Variants in FAF1 observed in about 807,000 individuals in gnomAD.
The protein encoded by FAF1 is Fas associated factor 1, also known as FAS-associated factor 1.
Under a neutral mutation model 92.5 loss-of-function variants are expected in FAF1, and 25 were observed. The ratio of observed to expected loss-of-function variants is 0.27; its 90% CI spans 0.20 to 0.38. The LOEUF (loss-of-function observed/expected upper bound fraction) is 0.38, where lower values mean the gene tolerates loss of function less well. Ranked by LOEUF, FAF1 falls within the 10% of genes least tolerant of loss-of-function variation. The pLI, the probability that FAF1 is intolerant of heterozygous loss-of-function variation, is 1.00. For missense variants in FAF1, 636 were observed against 793.3 expected (o/e 0.80, Z 2.38); for synonymous variants, 234 against 273.2 (o/e 0.86, Z 1.42).
At chr1:50,707,820 A>C (rs912027343) in intron 6 of FAF1, among the ~76,000 whole-genome samples, 1 of 152,214 alleles carries the variant, frequency 6.6e-6, no homozygotes. Context: ...AGAAGGCAAG[A>C]GTCATTCATC....
At chr1:50,824,647 T>G (rs1644078366) in intron 2 of FAF1, among the ~76,000 whole-genome samples, 1 of 152,154 alleles carries the variant, frequency 6.6e-6, no homozygotes, top group Non-Finnish European at 1.5e-5. Context: ...GTTGCACTCC[T>G]ATGTTTATTG....
chr1:50,592,374 C>A (rs1252972466), intron 9 of FAF1, among the ~76,000 whole-genome samples: 1 of 152,024 alleles, frequency 6.6e-6, no homozygotes. Flanking sequence ...CCCACACTGT[C>A]TCACCCAAGC....
At chr1:50,471,692 G>C (rs1477867395) in intron 18 of FAF1, among the ~76,000 whole-genome samples, 1 of 152,102 alleles carries the variant, frequency 6.6e-6, no homozygotes, top group African/African-American at 2.4e-5. Flanking sequence ...TTATATCAGT[G>C]GCAATACATA....
At chr1:50,705,726 C>T in intron 7 of FAF1, 60 bp downstream of exon 7, 1 of 918,416 alleles carries the variant, frequency 1.1e-6, no homozygotes, top group East Asian at 2.4e-5. Context: ...CCCTCTTTAA[C>T]AGGGTCAACA....
chr1:50,853,262 T>C (rs970213147), intron 2 of FAF1, among the ~76,000 whole-genome samples: 1 of 152,180 alleles, frequency 6.6e-6, no homozygotes, highest in African/African-American at 2.4e-5. Flanking sequence ...CCTTCAAAAG[T>C]GAAAATTGGA....
chr1:50,910,591 G>T (rs909378149), intron 1 of FAF1, among the ~76,000 whole-genome samples: 1 of 152,064 alleles, frequency 6.6e-6, no homozygotes, highest in African/African-American at 2.4e-5. Flanking sequence ...AATGGCGGAC[G>T]CCCCTCCCCC....
rs72220248 is a variant in FAF1 at position 50,530,238 on chromosome 1, G to GGTGTGTGTGTGT, written c.1494+5119_1494+5130dup. 1.6e-3 allele frequency among the ~76,000 whole-genome samples: 221 copies of GGTGTGTGTGTGT among 141,668 alleles called. 1 individual carries two copies. The highest frequency in any genetic ancestry group is 3.8e-3 in the African/African-American group (147 of 38,688). 92.9% of individuals were successfully genotyped at this position (141,668 alleles called of 152,430 possible). Reference sequence around the variant, plus strand: ...AGTAGTTTTGCTAGCTTTAAGAAGTGGTGTGTGTGTGTGTGTGTGTGTGTG... The same window carrying GGTGTGTGTGTGT: ...AGTAGTTTTGCTAGCTTTAAGAAGTGGTGTGTGTGTGTGTGTGTGTGTGTGTGTGTGTGTGTG... On this transcript the variant is annotated intron_variant, in intron 15 of 18. Transcript: ENST00000396153.
At chr1:50,594,065 C>A (rs936433631) in intron 9 of FAF1, among the ~76,000 whole-genome samples, 3 of 152,118 alleles carry the variant, frequency 2.0e-5, no homozygotes, top group Non-Finnish European at 4.4e-5. Flanking sequence ...GTAATCCCAG[C>A]ACTTTGGAGG....
At chr1:50,887,362 CA>C (rs1644675925) in intron 1 of FAF1, among the ~76,000 whole-genome samples, 1 of 152,156 alleles carries the variant, frequency 6.6e-6, no homozygotes, top group South Asian at 2.1e-4. Flanking sequence ...TTTTGCTGTG[CA>C]GAAGCTCTTT....
chr1:50,556,878 TAAATA>T (rs967531417), intron 13 of FAF1, among the ~76,000 whole-genome samples: 17 of 150,192 alleles, frequency 1.1e-4, no homozygotes, highest in African/African-American at 4.2e-4. Flanking sequence ...TAAAATAAAA[TAAATA>T]AAATAAAATA....
At chr1:50,590,566 C>T (rs539601621) in intron 9 of FAF1, among the ~76,000 whole-genome samples, 1 of 152,344 alleles carries the variant, frequency 6.6e-6, no homozygotes, top group South Asian at 2.1e-4. Context: ...GAGTTGTCTA[C>T]ATATAAAATT....
intron 2 of FAF1, among the ~76,000 whole-genome samples, chr1:50,833,349 A>C (rs1644171888): frequency 6.6e-6 from 1 of 152,080 alleles, no homozygotes; most frequent in Non-Finnish European, 1.5e-5. Context: ...ATAAAAAAAA[A>C]AAAGAACTCA....
intron 4 of FAF1, among the ~76,000 whole-genome samples, chr1:50,755,754 T>C (rs1328628209): frequency 6.6e-6 from 1 of 152,140 alleles, no homozygotes; most frequent in African/African-American, 2.4e-5. Context: ...TTCCCAAACC[T>C]CAATTCTTGA....
intron 13 of FAF1, among the ~76,000 whole-genome samples, chr1:50,550,351 T>TAAA (rs11297579): frequency 2.7e-4 from 29 of 108,366 alleles, no homozygotes; most frequent in African/African-American, 9.2e-4. Flanking sequence ...ACTCCGTCTT[T>TAAA]AAAAAAAAAA....
intron 1 of FAF1, among the ~76,000 whole-genome samples, chr1:50,912,843 GT>G (rs1644895588): frequency 6.6e-6 from 1 of 152,004 alleles, no homozygotes; most frequent in African/African-American, 2.4e-5. Context: ...AAAAGTTTTT[GT>G]TAAAACTTAA....
At chr1:50,714,023 T>G (rs1284653446) in intron 6 of FAF1, among the ~76,000 whole-genome samples, 1 of 149,760 alleles carries the variant, frequency 6.7e-6, no homozygotes, top group East Asian at 2.1e-4. Flanking sequence ...CACCCGCCTC[T>G]GCCTCCCAAA....
At chr1:50,902,582 C>T (rs1293123400) in intron 1 of FAF1, among the ~76,000 whole-genome samples, 3 of 152,162 alleles carry the variant, frequency 2.0e-5, no homozygotes, top group Non-Finnish European at 4.4e-5. Flanking sequence ...CAAAGTCACA[C>T]AAACTATATG....
rs1312600561 is a variant in FAF1 at position 50,491,875 on chromosome 1, T to C, written c.1495-74A>G. 2.7e-5 allele frequency: 30 copies of C among 1,097,264 alleles called. No individual in the cohort carries two copies. The Admixed American group carries it at 6.1e-4, about 22-fold the overall frequency. 68.0% of individuals were successfully genotyped at this position (1,097,264 alleles called of 1,614,324 possible). On this transcript the variant is annotated intron_variant, in intron 15 of 18. Coordinates refer to ENST00000396153, the MANE Select transcript of FAF1 (RefSeq NM_007051.3). ...AAAAAAAGAGAAAAAAAACTAATGG[T>C]AATCCCTTTTTTATTCCTATATGAA...
intron 18 of FAF1, among the ~76,000 whole-genome samples, chr1:50,474,890 T>C (rs1459770228): frequency 1.3e-5 from 2 of 152,224 alleles, no homozygotes; most frequent in African/African-American, 2.4e-5. Flanking sequence ...GACACAACCA[T>C]TTAATCAGCA....
Sources: gnomAD v4.1 joint callset for allele counts (sites outside exome capture counted in the v4.1 genomes callset) on GRCh38, gnomAD v4.1.1 for gene constraint, MANE v1.5 for transcripts, NCBI Gene and HGNC (gene_info 2026-07-23, HGNC 2026-07-21) for gene names.